Variants in SOX6 observed in about 807,000 individuals in gnomAD.
The protein encoded by SOX6 is SRY-box transcription factor 6.
SOX6 carries 11 observed loss-of-function variants against 97.8 expected under a neutral mutation model. That is an observed-to-expected ratio of 0.11 (90% CI 0.07 to 0.19). The LOEUF is 0.19. Among genes scored for constraint, SOX6 ranks in the 10% least tolerant of loss-of-function variants. The pLI is 1.00. For synonymous variants in SOX6, 360 were observed against 371.4 expected, an observed-to-expected ratio of 0.97 and a Z score of 0.35; for missense variants, 810 against 1,039.5, an observed-to-expected ratio of 0.78 and a Z score of 3.04.
chr11:16,049,942 C>G lies in SOX6; in HGVS notation c.1252-4G>C. The G allele has an allele frequency of 1.2e-6, 2 of 1,613,490 alleles. No individual in the cohort carries two copies. Among genetic ancestry groups the G allele is most frequent in the Admixed American group, 3.3e-5 (2 of 59,966 alleles). ...GAGGCTGTGCTGCTGCTTCATCCTACAAGAGTTTAACGTAAATAATTATTT... is the reference window on the plus strand; with the variant it reads ...GAGGCTGTGCTGCTGCTTCATCCTAGAAGAGTTTAACGTAAATAATTATTT... On this transcript the variant is annotated splice_region_variant and splice_polypyrimidine_tract_variant and intron_variant, in intron 10 of 15. Transcript: ENST00000683767.
chr11:16,460,526 TAA>T (rs1859902833), intron 1 of SOX6, among the ~76,000 whole-genome samples: 1 of 152,124 alleles, frequency 6.6e-6, no homozygotes, highest in Non-Finnish European at 1.5e-5. Flanking sequence ...TCTGTTTTTT[TAA>T]GTCTATTTTT....
At chr11:16,541,945 C>A (rs1256825916) in intron 4 of SOX6, among the ~76,000 whole-genome samples, 2 of 152,228 alleles carry the variant, frequency 1.3e-5, no homozygotes, top group East Asian at 3.9e-4. Context: ...ACCATTTGAC[C>A]CAGCAATCCC....
intron 3 of SOX6, among the ~76,000 whole-genome samples, chr11:16,249,960 G>A (rs1018540427): frequency 6.6e-6 from 1 of 152,116 alleles, no homozygotes; most frequent in East Asian, 1.9e-4. Context: ...GATTCTCTAC[G>A]ATTTACTTTT....
chr11:16,149,048 C>T (rs1850389962), intron 6 of SOX6, among the ~76,000 whole-genome samples: 1 of 152,106 alleles, frequency 6.6e-6, no homozygotes, highest in Admixed American at 6.6e-5. Flanking sequence ...TTTGTCAGCT[C>T]CCTCTCAAAA....
intron 4 of SOX6, among the ~76,000 whole-genome samples, chr11:16,513,190 G>T (rs983305788): frequency 4.6e-5 from 7 of 152,200 alleles, no homozygotes; most frequent in African/African-American, 1.7e-4. Context: ...GTATGTGGTG[G>T]TTTTTTCTGA....
At chr11:16,025,306 T>C (rs528710372) in intron 12 of SOX6, among the ~76,000 whole-genome samples, 8 of 152,312 alleles carry the variant, frequency 5.3e-5, no homozygotes, top group African/African-American at 1.4e-4. Flanking sequence ...ATTCTCTGAT[T>C]AACCATTTGT....
In SOX6 at chr11:16,499,806, A is replaced by T. The variant is rs575484795; in HGVS notation, n.610-23418T>A. Among the ~76,000 whole-genome samples, 704 of 152,286 alleles carry T rather than the reference A, an allele frequency of 4.6e-3. 9 individuals are homozygous for T. The highest frequency in any genetic ancestry group is 0.016 in the African/African-American group (665 of 41,556). On this transcript the variant is annotated intron_variant and non_coding_transcript_variant, in intron 4 of 5. Transcript: ENST00000524520. The stretch of plus-strand genomic sequence containing the variant: ...AGACCAATAACAGGCTCTGAAATTG[A>T]GGCAATAATTAATAGCTTACCAACC...
intron 4 of SOX6, among the ~76,000 whole-genome samples, chr11:16,507,673 C>G (rs1333048666): frequency 6.6e-6 from 1 of 152,040 alleles, no homozygotes; most frequent in African/African-American, 2.4e-5. Context: ...GAAAAGACAC[C>G]CTCTTCTAGA....
At chr11:16,315,473 T>C (rs930102197) in intron 3 of SOX6, 3 of 152,160 alleles carry the variant, frequency 2.0e-5, no homozygotes, top group Admixed American at 6.5e-5. Flanking sequence ...CTGTAGAATA[T>C]TTTATAAGAA....
At chr11:15,995,571 A>G (rs1320479858) in intron 13 of SOX6, among the ~76,000 whole-genome samples, 1 of 152,208 alleles carries the variant, frequency 6.6e-6, no homozygotes, top group Non-Finnish European at 1.5e-5. Context: ...AAATAAAAAT[A>G]AAGGAAGAAA....
intron 12 of SOX6, among the ~76,000 whole-genome samples, chr11:16,042,935 T>A (rs1236318305): frequency 6.6e-6 from 1 of 152,156 alleles, no homozygotes; most frequent in Non-Finnish European, 1.5e-5. Flanking sequence ...CTGGCTCACA[T>A]AACACCTACG....
intron 4 of SOX6, among the ~76,000 whole-genome samples, chr11:16,544,775 C>T (rs191965704): frequency 1.1e-4 from 16 of 151,256 alleles, no homozygotes; most frequent in East Asian, 3.9e-4. Flanking sequence ...ACCCATGACA[C>T]GGAGAAAAAT....
intron 6 of SOX6, among the ~76,000 whole-genome samples, chr11:16,156,296 G>A (rs1400741456): frequency 6.6e-6 from 1 of 151,794 alleles, no homozygotes. Flanking sequence ...GGGTCCCTTT[G>A]CTACTGCCTC....
intron 4 of SOX6, among the ~76,000 whole-genome samples, chr11:16,220,838 C>T (rs1852517410): frequency 6.6e-6 from 1 of 151,882 alleles, no homozygotes; most frequent in Non-Finnish European, 1.5e-5. Flanking sequence ...CAATTTATAC[C>T]TATCATGAAT....
chr11:16,658,355 T>C (rs769062867), intron 3 of SOX6, among the ~76,000 whole-genome samples: 15 of 152,244 alleles, frequency 9.9e-5, no homozygotes, highest in East Asian at 1.9e-4. Flanking sequence ...ATCTATCTTA[T>C]AGATTTATAT....
At chr11:16,733,625 C>T (rs974217240) in intron 2 of SOX6, among the ~76,000 whole-genome samples, 8 of 149,910 alleles carry the variant, frequency 5.3e-5, no homozygotes, top group African/African-American at 2.0e-4. Flanking sequence ...ATACCTAATG[C>T]AGATGATGGG....
intron 3 of SOX6, among the ~76,000 whole-genome samples, chr11:16,644,191 C>T (rs946507816): frequency 2.0e-5 from 3 of 152,194 alleles, no homozygotes; most frequent in Non-Finnish European, 4.4e-5. Context: ...CCAGCATGTG[C>T]CACCACACCT....
chr11:15,977,251 G>C (rs1173837903), intron 15 of SOX6, among the ~76,000 whole-genome samples: 2 of 151,870 alleles, frequency 1.3e-5, no homozygotes, highest in African/African-American at 2.4e-5. Context: ...GACTATCTCA[G>C]TGTGACCTCC....
At chr11:16,131,048 T>C (rs938827616) in intron 6 of SOX6, among the ~76,000 whole-genome samples, 4 of 151,806 alleles carry the variant, frequency 2.6e-5, no homozygotes, top group Non-Finnish European at 5.9e-5. Context: ...TGACATTGTA[T>C]TAGGCAAACA....
Sources: gnomAD v4.1 joint callset for allele counts (sites outside exome capture counted in the v4.1 genomes callset) on GRCh38, gnomAD v4.1.1 for gene constraint, MANE v1.5 for transcripts, NCBI Gene and HGNC (gene_info 2026-07-23, HGNC 2026-07-21) for gene names.